Variants in SEC24A observed in about 807,000 individuals in gnomAD.
The protein encoded by SEC24A is protein transport protein Sec24A.
SEC24A carries 93 observed loss-of-function variants against 129.4 expected under a neutral mutation model. The ratio of observed to expected loss-of-function variants is 0.72; its 90% confidence interval spans 0.61 to 0.85. The LOEUF is 0.85. Ranked by LOEUF, SEC24A falls within the 40% of genes least tolerant of loss-of-function variation. SEC24A has a pLI of 0.00. For missense variants in SEC24A, 1,264 were observed against 1,307.4 expected, an observed-to-expected ratio of 0.97 and a Z score of 0.51; for synonymous variants, 460 against 467.3, an observed-to-expected ratio of 0.98 and a Z score of 0.20.
intron 19 of SEC24A, 70 bp downstream of exon 19, chr5:134,715,231 T>G (rs1003713900): frequency 2.0e-5 from 26 of 1,275,948 alleles, no homozygotes; most frequent in Non-Finnish European, 2.7e-5. Flanking sequence ...AGTACAGAAA[T>G]GAGGAAGGGT....
chr5:134,701,776 TG>T (rs1329529683), intron 15 of SEC24A, among the ~76,000 whole-genome samples: 2 of 152,190 alleles, frequency 1.3e-5, no homozygotes, highest in African/African-American at 4.8e-5. Flanking sequence ...CCCAAAGTGC[TG>T]GGATTACAGG....
At chr5:134,711,121 G>A (rs1296903426) in intron 18 of SEC24A, among the ~76,000 whole-genome samples, 1 of 152,020 alleles carries the variant, frequency 6.6e-6, no homozygotes, top group African/African-American at 2.4e-5. Flanking sequence ...GGGTGACAAA[G>A]CGAGACTCCT....
chr5:134,710,552 A>C (rs1008376144), intron 18 of SEC24A, among the ~76,000 whole-genome samples: 2 of 152,010 alleles, frequency 1.3e-5, no homozygotes, highest in Non-Finnish European at 2.9e-5. Flanking sequence ...CTTTAGATAC[A>C]CTTTCTTATA....
chr5:134,660,004 A>G (rs774734798), intron 1 of SEC24A, among the ~76,000 whole-genome samples: 6 of 151,724 alleles, frequency 4.0e-5, no homozygotes, highest in Non-Finnish European at 8.8e-5. Context: ...GTACATTTTG[A>G]TGGTATTTGG....
At chr5:134,712,135 A>ATC (rs1752345529) in intron 18 of SEC24A, among the ~76,000 whole-genome samples, 1 of 152,004 alleles carries the variant, frequency 6.6e-6, no homozygotes. Context: ...CCAGGCCTTC[A>ATC]TCTTGTATTT....
rs1048467852 is a variant in SEC24A at position 134,661,493 on chromosome 5, C to T, written c.472C>T (p.Gln158Ter). 1 of 1,614,148 alleles carries T rather than the reference C, an allele frequency of 6.2e-7. No homozygotes were observed. The change falls in exon 2 of 23, where the codon CAA (glutamine) becomes TAA (stop). Residue 158 changes from glutamine (Q) to a stop codon, truncating the protein, a stop_gained. Coordinates refer to ENST00000398844, the MANE Select transcript of SEC24A (RefSeq NM_021982.3). LOFTEE classifies it high-confidence loss of function. The part of the protein sequence containing the change: ...QTNHCPRASS[Q>*]PTVSGNTSLT... ...AAACCATTGTCCTCGTGCATCATCC[C>T]AACCAACTGTATCTGGAAATACAAG...
chr5:134,715,350 G>A, intron 19 of SEC24A, 189 bp downstream of exon 19: 1 of 500,188 alleles, frequency 2.0e-6, no homozygotes, highest in Middle Eastern at 5.2e-4. Flanking sequence ...GTGCCTTTAA[G>A]TTTCCTAAAA....
chr5:134,719,045 ATG>A (rs1299364560), intron 20 of SEC24A, among the ~76,000 whole-genome samples: 2 of 152,118 alleles, frequency 1.3e-5, no homozygotes, highest in Non-Finnish European at 1.5e-5. Flanking sequence ...CAACTGTACA[ATG>A]TGTGTTTTAA....
intron 11 of SEC24A, among the ~76,000 whole-genome samples, chr5:134,689,944 T>C (rs1446984201): frequency 6.8e-6 from 1 of 147,574 alleles, no homozygotes; most frequent in Non-Finnish European, 1.5e-5. Flanking sequence ...ATAGGCAAAT[T>C]CATAGAGACA....
chr5:134,671,715 G>C, intron 3 of SEC24A, 94 bp from the exon 4 acceptor site: 1 of 739,986 alleles, frequency 1.4e-6, no homozygotes, highest in Non-Finnish European at 2.1e-6. Context: ...TTGTTGTTTA[G>C]AAAATTATTT....
chr5:134,708,674 A>G (rs369443398), intron 17 of SEC24A, 39 bp from the exon 18 acceptor site: 24 of 1,567,660 alleles, frequency 1.5e-5, no homozygotes, highest in South Asian at 7.1e-5. Context: ...CTAAACTTCT[A>G]TCATATTTCT....
chr5:134,656,778 CTT>C (rs1278303639), intron 1 of SEC24A, among the ~76,000 whole-genome samples: 52 of 132,414 alleles, frequency 3.9e-4, no homozygotes, highest in Non-Finnish European at 3.4e-4. Flanking sequence ...CTGCATCCGA[CTT>C]TTTTTTTTTT....
intron 19 of SEC24A, among the ~76,000 whole-genome samples, chr5:134,717,605 G>A (rs796298521): frequency 1.4e-4 from 21 of 152,060 alleles, no homozygotes; most frequent in African/African-American, 4.8e-4. Context: ...TAACTATTTC[G>A]TCATCTTCTT....
At chr5:134,652,960 A>G (rs1750115296) in intron 1 of SEC24A, among the ~76,000 whole-genome samples, 1 of 149,110 alleles carries the variant, frequency 6.7e-6, no homozygotes, top group East Asian at 2.0e-4. Flanking sequence ...ACACCCGGCT[A>G]ATTTTTTGTA....
chr5:134,674,742 G>C lies in SEC24A; in HGVS notation c.945G>C (p.Leu315Phe), dbSNP rs1276887267. Residue 315 changes from leucine (L) to phenylalanine (F), a missense_variant, in exon 5 of 23, where the codon TTG becomes TTC. Transcript: ENST00000398844. ...CAACTGGAGTACCACCCTCTTCCTTGAATTACCCAAGTGGGCCACAAGCCT... is the reference window on the plus strand; with the variant it reads ...CAACTGGAGTACCACCCTCTTCCTTCAATTACCCAAGTGGGCCACAAGCCT... ...PGATGVPPSS[L>F]NYPSGPQAFT... 6.2e-7 allele frequency: 1 copy of C among 1,613,584 alleles called. No homozygotes were observed. The highest frequency in any genetic ancestry group is 8.5e-7 in the Non-Finnish European group (1 of 1,179,830).
chr5:134,671,985 T>G, intron 4 of SEC24A, 99 bp downstream of exon 4: 1 of 734,284 alleles, frequency 1.4e-6, no homozygotes, highest in South Asian at 1.7e-5. Context: ...AGAGGGAAAC[T>G]TCATAATCAT....
chr5:134,648,817 G>A lies in SEC24A; in HGVS notation c.-260G>A. The A allele has an allele frequency of 2.9e-6, 1 of 344,076 alleles. No homozygotes were observed. Among genetic ancestry groups the A allele is most frequent in the Non-Finnish European group, 5.4e-6 (1 of 186,088 alleles). The allele number at this position is 344,076 out of a possible 1,614,324, so 21.3% of individuals were successfully genotyped here. A position where few individuals can be genotyped will look rare whatever the true frequency, so the allele number is the denominator to read the frequency against. On this transcript the variant is annotated 5_prime_UTR_variant, in exon 1 of 23. Transcript: ENST00000398844. ...GCCAGGGCCTCCCTCCTTCTCTCTA[G>A]GTTTGGCTGCCGCCTTCTAGCCGGG...
intron 9 of SEC24A, among the ~76,000 whole-genome samples, chr5:134,683,545 A>G (rs1028888119): frequency 2.0e-5 from 3 of 152,062 alleles, no homozygotes; most frequent in African/African-American, 7.2e-5. Context: ...GGAGGGTCTT[A>G]CTTTGTTGCT....
At position 134,661,219 on chromosome 5, in the gene SEC24A, T is replaced by C; in HGVS notation, c.198T>C (p.Thr66=). 2 of 1,614,162 alleles carry C rather than the reference T, an allele frequency of 1.2e-6. No homozygotes were observed. Among genetic ancestry groups the C allele is most frequent in the Non-Finnish European group, 1.7e-6 (2 of 1,180,020 alleles). ...GSYPHPIPAK[T]LNPVSGQSNY... is the part of the protein sequence containing the mutation. ...ACCCTCATCCAATACCAGCAAAGAC[T>C]TTGAATCCAGTCTCTGGACAGTCTA... The change falls in exon 2 of 23, where the codon ACT becomes ACC. Residue 66 remains threonine (T), a synonymous_variant. Transcript: ENST00000398844.
Sources: allele counts gnomAD v4.1 joint callset (sites outside exome capture counted in the v4.1 genomes callset), GRCh38; gene constraint gnomAD v4.1.1; transcripts MANE v1.5; gene names NCBI Gene and HGNC (gene_info 2026-07-23, HGNC 2026-07-21).